The following ARHGAP22 variants were observed in gnomAD, a reference collection of about 807,000 sequenced individuals.
ARHGAP22 encodes the protein Rho GTPase activating protein 22.
In ARHGAP22, 48 loss-of-function variants were observed where a neutral mutation model predicts 59.1. The ratio of observed to expected loss-of-function variants is 0.81; its 90% CI spans 0.64 to 1.03. The LOEUF (loss-of-function observed/expected upper bound fraction) is 1.03, where lower values mean the gene tolerates loss of function less well. ARHGAP22 is among the 50% of genes least tolerant of loss of function. ARHGAP22 has a pLI of 0.00. For synonymous variants in ARHGAP22, 445 were observed against 416.4 expected, an observed-to-expected ratio of 1.07 and a Z score of -0.84; for missense variants, 1,015 against 958.7, an observed-to-expected ratio of 1.06 and a Z score of -0.78.
At chr10:48,565,321 C>T (rs2057981472) in intron 2 of ARHGAP22, among the ~76,000 whole-genome samples, 1 of 152,112 alleles carries the variant, frequency 6.6e-6, no homozygotes, top group South Asian at 2.1e-4. Context: ...GTAGCAGGTA[C>T]CCAGGATGGC....
At chr10:48,584,578 T>C (rs1016829371) in intron 1 of ARHGAP22, among the ~76,000 whole-genome samples, 10 of 152,210 alleles carry the variant, frequency 6.6e-5, no homozygotes, top group Non-Finnish European at 7.3e-5. Flanking sequence ...CACTTCTACA[T>C]GCGTGTCCTC....
At chr10:48,549,649 C>T (rs1830124577) in intron 3 of ARHGAP22, among the ~76,000 whole-genome samples, 1 of 152,168 alleles carries the variant, frequency 6.6e-6, no homozygotes, top group Admixed American at 6.5e-5. Flanking sequence ...GATCAAAGCA[C>T]AAACCAGCAT....
the ARHGAP22 span, among the ~76,000 whole-genome samples, chr10:48,433,520 G>A: frequency 6.6e-6 from 1 of 152,054 alleles, no homozygotes; most frequent in African/African-American, 2.4e-5. Flanking sequence ...CCTTTCTTGG[G>A]TCTAGGAGAT....
chr10:48,475,217 C>T (rs2048599320), intron 4 of ARHGAP22, among the ~76,000 whole-genome samples: 1 of 152,222 alleles, frequency 6.6e-6, no homozygotes, highest in South Asian at 2.1e-4. Context: ...CAGTTGATCA[C>T]TGCCCTTGTT....
At chr10:48,514,761 T>C (rs544285421) in intron 3 of ARHGAP22, among the ~76,000 whole-genome samples, 1 of 152,270 alleles carries the variant, frequency 6.6e-6, no homozygotes, top group East Asian at 1.9e-4. Flanking sequence ...ACTCCAGTAA[T>C]TCATAAAGAT....
Position 48,450,793 on chromosome 10 carries a change from C to G in ARHGAP22, c.1336G>C (p.Gly446Arg), listed in dbSNP as rs766621193. The change falls in exon 9 of 10, where the codon GGC becomes CGC. Residue 446 changes from glycine (G) to arginine (R), a missense_variant. Transcript: ENST00000249601. The stretch of plus-strand genomic sequence containing the variant: ...ATGATGGGCACCTCCAGGGATGAGC[C>G]GCCCCCCTTCGGGCTTCCCGATAGG... ...RSLSGSPKGG[G>R]SSLEVPIISS... 20 of 1,569,668 alleles carry G rather than the reference C, an allele frequency of 1.3e-5. No homozygotes were observed. In the East Asian group the frequency reaches 4.7e-4, roughly 37 times the overall value.
rs1246655599 is a variant in ARHGAP22 at position 48,555,503 on chromosome 10, G to T, written c.282C>A (p.Gly94=). 1 of 1,614,222 alleles carries T rather than the reference G, an allele frequency of 6.2e-7. No homozygotes were observed. Among genetic ancestry groups the T allele is most frequent in the East Asian group, 2.2e-5 (1 of 44,886 alleles). The stretch of plus-strand genomic sequence containing the variant: ...AGAGGTGCTTCCCTGGGTCCTCGGG[G>T]CCAGGAGGAAGTTCAGTCACCTGTG... ...QGTQVTELPP[G]PEDPGKHLFE... is the part of the protein sequence containing the mutation. The change falls in exon 3 of 10, where the codon GGC becomes GGA. Residue 94 remains glycine (G), a synonymous_variant. Transcript: ENST00000249601.
intron 1 of ARHGAP22, among the ~76,000 whole-genome samples, chr10:48,632,118 T>C (rs2061649216): frequency 6.6e-6 from 1 of 152,190 alleles, no homozygotes; most frequent in Non-Finnish European, 1.5e-5. Context: ...TCCCTCAACC[T>C]CCTCCCAACC....
chr10:48,455,939 G>T (rs961611285), intron 5 of ARHGAP22, among the ~76,000 whole-genome samples: 2 of 152,210 alleles, frequency 1.3e-5, no homozygotes, highest in Non-Finnish European at 2.9e-5. Flanking sequence ...TGCCCCAGGA[G>T]TCCACTCCAG....
At chr10:48,484,070 G>A (rs1159303338) in intron 3 of ARHGAP22, among the ~76,000 whole-genome samples, 1 of 152,210 alleles carries the variant, frequency 6.6e-6, no homozygotes, top group Non-Finnish European at 1.5e-5. Flanking sequence ...AAATGTGAGA[G>A]ATGGGGTCTA....
intron 3 of ARHGAP22, among the ~76,000 whole-genome samples, chr10:48,514,353 G>A (rs2053087784): frequency 6.6e-6 from 1 of 152,108 alleles, no homozygotes; most frequent in African/African-American, 2.4e-5. Flanking sequence ...AAAGAAACAA[G>A]AGAAAATACA....
chr10:48,490,790 AC>A (rs2050314192), intron 3 of ARHGAP22, among the ~76,000 whole-genome samples: 1 of 151,724 alleles, frequency 6.6e-6, no homozygotes, highest in African/African-American at 2.4e-5. Context: ...TGCTCCCCTG[AC>A]CTCCAGACCT....
chr10:48,432,683 G>A, the ARHGAP22 span, among the ~76,000 whole-genome samples: 2 of 152,182 alleles, frequency 1.3e-5, no homozygotes, highest in African/African-American at 2.4e-5. Flanking sequence ...CACAGCTGGA[G>A]TGCCAGATGT....
intron 1 of ARHGAP22, among the ~76,000 whole-genome samples, chr10:48,590,364 G>A (rs957150457): frequency 1.3e-5 from 2 of 152,048 alleles, no homozygotes; most frequent in African/African-American, 4.8e-5. Flanking sequence ...GACAGGATGT[G>A]GAGCCTGAGC....
chr10:48,505,333 T>A (rs1230109795), intron 3 of ARHGAP22, among the ~76,000 whole-genome samples: 1 of 152,150 alleles, frequency 6.6e-6, no homozygotes, highest in African/African-American at 2.4e-5. Flanking sequence ...AGACTAAATA[T>A]AATAAATAAA....
At chr10:48,640,369 G>A (rs533930827) in intron 1 of ARHGAP22, among the ~76,000 whole-genome samples, 89 of 152,264 alleles carry the variant, frequency 5.8e-4, no homozygotes, top group African/African-American at 2.1e-3. Context: ...TATTTTTCAT[G>A]TATAATTATC....
chr10:48,462,639 C>T (rs758251344), intron 4 of ARHGAP22, among the ~76,000 whole-genome samples: 6 of 152,224 alleles, frequency 3.9e-5, no homozygotes, highest in Non-Finnish European at 7.4e-5. Context: ...TTCCTGAAAA[C>T]ATGGGTCATG....
intron 1 of ARHGAP22, among the ~76,000 whole-genome samples, chr10:48,633,074 G>A (rs2061683665): frequency 6.6e-6 from 1 of 152,216 alleles, no homozygotes; most frequent in Non-Finnish European, 1.5e-5. Context: ...AAGAGCATGA[G>A]CTCCAGAAGG....
the ARHGAP22 span, chr10:48,435,805 ATG>A: frequency 2.0e-5 from 3 of 152,268 alleles, no homozygotes; most frequent in Non-Finnish European, 4.4e-5. Context: ...CTCAAAGTTT[ATG>A]ATCACATAAA....
Sources: allele counts gnomAD v4.1 joint callset (sites outside exome capture counted in the v4.1 genomes callset), GRCh38; gene constraint gnomAD v4.1.1; transcripts MANE v1.5; gene names NCBI Gene and HGNC (gene_info 2026-07-23, HGNC 2026-07-21).